CD9: variants seen among roughly 807,000 people sequenced by gnomAD.
The protein encoded by CD9 is CD9 molecule.
A neutral mutation model predicts 31.4 loss-of-function variants in CD9; 10 were observed. The observed-to-expected ratio is 0.32, with a 90% CI of 0.20 to 0.54. The LOEUF (loss-of-function observed/expected upper bound fraction) is 0.54, where lower values mean the gene tolerates loss of function less well. Ranked by LOEUF, CD9 falls within the 20% of genes least tolerant of loss-of-function variation. The pLI, the probability that CD9 is intolerant of heterozygous loss-of-function variation, is 0.94. For synonymous variants in CD9, 113 were observed against 114.1 expected, an observed-to-expected ratio of 0.99 and a Z score of 0.06; for missense variants, 259 against 300.1, an observed-to-expected ratio of 0.86 and a Z score of 1.01.
intron 2 of CD9, among the ~76,000 whole-genome samples, chr12:6,227,262 A>C (rs1217072766): frequency 1.3e-5 from 2 of 151,848 alleles, no homozygotes; most frequent in Non-Finnish European, 2.9e-5. Flanking sequence ...GCAATGACAC[A>C]ATCTCGGCTC....
intron 6 of CD9, 124 bp downstream of exon 6, chr12:6,235,689 A>G: frequency 4.9e-6 from 7 of 1,442,414 alleles, no homozygotes; most frequent in Non-Finnish European, 6.4e-6. Flanking sequence ...AAAGGGCCCC[A>G]GGGCACCCAT....
chr12:6,213,408 C>A (rs540765878), intron 1 of CD9, among the ~76,000 whole-genome samples: 1 of 152,116 alleles, frequency 6.6e-6, no homozygotes. Flanking sequence ...TTGGGGAAGA[C>A]GGATAAAGAA....
intron 1 of CD9, among the ~76,000 whole-genome samples, chr12:6,214,087 C>T (rs1022165264): frequency 1.3e-5 from 2 of 152,120 alleles, no homozygotes; most frequent in Non-Finnish European, 2.9e-5. Context: ...AGCTTTGAGT[C>T]GTCTATGTGG....
intron 1 of CD9, among the ~76,000 whole-genome samples, chr12:6,223,478 G>T (rs920687011): frequency 1.3e-5 from 2 of 152,084 alleles, no homozygotes; most frequent in Non-Finnish European, 2.9e-5. Context: ...AGCCAGGATG[G>T]TCTCGATCTC....
intron 1 of CD9, among the ~76,000 whole-genome samples, chr12:6,201,293 A>C (rs571934595): frequency 8.0e-6 from 1 of 125,770 alleles, no homozygotes; most frequent in South Asian, 2.7e-4. Flanking sequence ...AAGTATCTTC[A>C]CTGGAGAGAA....
chr12:6,233,218 C>A (rs1565429091), intron 3 of CD9, 194 bp from the exon 4 acceptor site: 1 of 635,370 alleles, frequency 1.6e-6, no homozygotes, highest in Non-Finnish European at 2.8e-6. Flanking sequence ...CCTTGCCTCA[C>A]TGTGGCCTCT....
intron 2 of CD9, among the ~76,000 whole-genome samples, chr12:6,228,237 A>G (rs1356838167): frequency 1.3e-5 from 2 of 152,188 alleles, no homozygotes; most frequent in African/African-American, 2.4e-5. Context: ...AAGTTAGAAC[A>G]GCAGCACTGT....
At chr12:6,206,830 G>A (rs1039028739) in intron 1 of CD9, among the ~76,000 whole-genome samples, 2 of 151,774 alleles carry the variant, frequency 1.3e-5, no homozygotes, top group Non-Finnish European at 2.9e-5. Context: ...TTCCTTTTTA[G>A]GGAATTCCTT....
intron 1 of CD9, among the ~76,000 whole-genome samples, chr12:6,202,173 T>G (rs1946085339): frequency 6.6e-6 from 1 of 152,168 alleles, no homozygotes; most frequent in Non-Finnish European, 1.5e-5. Context: ...TTTTTCCAAT[T>G]TGCAGAGACT....
At chr12:6,213,742 G>A (rs569573776) in intron 1 of CD9, among the ~76,000 whole-genome samples, 2 of 152,220 alleles carry the variant, frequency 1.3e-5, no homozygotes, top group South Asian at 2.1e-4. Flanking sequence ...GGAAGGTAGC[G>A]CCTGAGGGTG....
chr12:6,211,087 T>C (rs539785159), intron 1 of CD9, among the ~76,000 whole-genome samples: 12 of 152,202 alleles, frequency 7.9e-5, no homozygotes, highest in Admixed American at 2.0e-4. Flanking sequence ...CCTCCCGCCT[T>C]GGCCTCCCAA....
chr12:6,200,830 C>CGGGAG (rs1946066844), intron 1 of CD9: 1 of 411,510 alleles, frequency 2.4e-6, no homozygotes, highest in African/African-American at 2.1e-5. Context: ...ATGAGGCGTG[C>CGGGAG]GGGAGGGTCC....
intron 6 of CD9, chr12:6,235,954 G>A (rs1384181420): frequency 7.1e-7 from 1 of 1,409,518 alleles, no homozygotes; most frequent in Non-Finnish European, 9.2e-7. Context: ...CCCCAAGCAG[G>A]GCCTGTCCCT....
intron 1 of CD9, 81 bp from the exon 2 acceptor site, chr12:6,225,345 G>C: frequency 1.1e-6 from 1 of 893,466 alleles, no homozygotes; most frequent in Non-Finnish European, 1.9e-6. Context: ...AAAGTCCTTT[G>C]CAAGTCTCAC....
intron 1 of CD9, among the ~76,000 whole-genome samples, chr12:6,216,635 C>T (rs1946245428): frequency 6.6e-6 from 1 of 152,194 alleles, no homozygotes; most frequent in South Asian, 2.1e-4. Context: ...CCCCACTTTC[C>T]TTTGGCCATT....
rs769489921 is a variant in CD9 at position 6,235,542 on chromosome 12, G to A, written c.514G>A (p.Val172Ile). 47 of 1,613,414 alleles carry A rather than the reference G, an allele frequency of 2.9e-5. No individual in the cohort carries two copies. The highest frequency in any genetic ancestry group is 3.5e-5 in the Non-Finnish European group (41 of 1,179,442). Residue 172 changes from valine (V) to isoleucine (I), a missense_variant, in exon 6 of 8, where the codon GTA (valine) becomes ATA (isoleucine). Transcript: ENST00000009180. ...CTCAGACATCTGCCCCAAGAAGGAC[G>A]TACTCGAAACCTTCACCGTGAAGGT... Reference protein sequence around the residue: ...FISDICPKKDVLETFTVKSCP... With the variant: ...FISDICPKKDILETFTVKSCP...
In CD9 at chr12:6,202,289, C is replaced by T. The variant is rs546012152; in HGVS notation, c.66+1724C>T. Among the ~76,000 whole-genome samples the T allele has an allele frequency of 1.1e-3, 170 of 152,294 alleles. 1 individual carries two copies. Among genetic ancestry groups the T allele is most frequent in the Admixed American group, 2.0e-3 (30 of 15,308 alleles). ...CTTGCTTTAAAAAGACCCTGCTGGC[C>T]GTGGGCACCCCTCCTCCTGTGTTGC... On this transcript the variant is annotated intron_variant, in intron 1 of 7. Coordinates refer to ENST00000009180, the MANE Select transcript of CD9 (RefSeq NM_001769.4).
At chr12:6,228,220 C>T (rs1331194627) in intron 2 of CD9, among the ~76,000 whole-genome samples, 1 of 152,146 alleles carries the variant, frequency 6.6e-6, no homozygotes, top group African/African-American at 2.4e-5. Flanking sequence ...GGGGATGATG[C>T]ACGGTAAAGT....
At chr12:6,228,687 GGC>G (rs1946401230) in intron 2 of CD9, among the ~76,000 whole-genome samples, 1 of 152,198 alleles carries the variant, frequency 6.6e-6, no homozygotes, top group African/African-American at 2.4e-5. Context: ...GGGCCAAGGA[GGC>G]GTCGCTCTGT....
Sources: gnomAD v4.1 joint callset for allele counts (sites outside exome capture counted in the v4.1 genomes callset) on GRCh38, gnomAD v4.1.1 for gene constraint, MANE v1.5 for transcripts, NCBI Gene and HGNC (gene_info 2026-07-23, HGNC 2026-07-21) for gene names.